The following TMC6 variants were observed in gnomAD, a reference collection of about 807,000 sequenced individuals.
TMC6 encodes the protein transmembrane channel like 6, also known as transmembrane channel-like protein 6.
In TMC6, 71 loss-of-function variants were observed where a neutral mutation model predicts 95.4. The observed-to-expected ratio is 0.74, with a 90% CI of 0.61 to 0.91. The LOEUF (loss-of-function observed/expected upper bound fraction) is 0.91. Among genes scored for constraint, TMC6 ranks in the 40% least tolerant of loss-of-function variants. The probability of loss-of-function intolerance (pLI) is 0.00; values close to 1 mark genes in which losing one functional copy is unlikely to be tolerated. For synonymous variants in TMC6, 514 were observed against 483.1 expected (o/e 1.06, Z -0.84); for missense variants, 1,074 against 1,079.1 (o/e 1.00, Z 0.07).
Position 78,113,613 on chromosome 17 carries a change from G to A in TMC6, c.2289C>T (p.Asp763=), listed in dbSNP as rs1382115495. ...LKEQISNEGE[D]KIFLINKLHS... is the part of the protein sequence containing the mutation. ...GAAGCTTGTTGATTAAGAAGATTTTGTCCTCACCCTCCTAGAAAGGCCAGA... is the reference window on the plus strand; with the variant it reads ...GAAGCTTGTTGATTAAGAAGATTTTATCCTCACCCTCCTAGAAAGGCCAGA... The change falls in exon 19 of 20, where the codon GAC becomes GAT. Residue 763 remains aspartate (D), a synonymous_variant. Coordinates refer to ENST00000590602, the MANE Select transcript of TMC6 (RefSeq NM_001127198.5). 1 of 1,613,648 alleles carries A rather than the reference G, an allele frequency of 6.2e-7. No homozygotes were observed. The highest frequency in any genetic ancestry group is 1.3e-5 in the African/African-American group (1 of 74,862).
At position 78,124,661 on chromosome 17, in the gene TMC6, G is replaced by A. The variant is rs1273041279; in HGVS notation, c.754C>T (p.Leu252Phe). Residue 252 changes from leucine to phenylalanine, a missense_variant, in exon 8 of 20, where the codon CTC becomes TTC. Leu to Phe is a conservative substitution (Grantham distance 22). Coordinates refer to ENST00000590602, the MANE Select transcript of TMC6 (RefSeq NM_001127198.5). ...GSSVLSYFLF[L>F]KTLLAFNALL... ...GCATTGAAAGCCAGCAGGGTCTTGAGAAAGAGGAAGTAGGAGAGCACGCTG... is the reference window on the plus strand; with the variant it reads ...GCATTGAAAGCCAGCAGGGTCTTGAAAAAGAGGAAGTAGGAGAGCACGCTG... The A allele has an allele frequency of 3.7e-6, 6 of 1,610,874 alleles. No individual in the cohort carries two copies. Among genetic ancestry groups the A allele is most frequent in the Non-Finnish European group, 2.5e-6 (3 of 1,179,066 alleles).
Position 78,126,325 on chromosome 17 carries a change from T to C in TMC6, c.223A>G (p.Ser75Gly). Residue 75 changes from serine to glycine, a missense_variant, in exon 4 of 20, where the codon AGC (serine) becomes GGC (glycine). Transcript: ENST00000590602. ...QTLWRPEGTQ[S>G]TATLRILASM... ...GCCAGGATGCGGAGTGTGGCCGTGCTCTGGGTGCCCTCGGGCCGCCAGAGT... is the reference window on the plus strand; with the variant it reads ...GCCAGGATGCGGAGTGTGGCCGTGCCCTGGGTGCCCTCGGGCCGCCAGAGT... 6.3e-7 allele frequency: 1 copy of C among 1,576,634 alleles called. No individual in the cohort carries two copies. The highest frequency in any genetic ancestry group is 8.6e-7 in the Non-Finnish European group (1 of 1,165,818).
At chr17:78,132,313 A>G, upstream of TMC6, 2 of 1,605,992 alleles carry the variant, frequency 1.2e-6, no homozygotes, top group Non-Finnish European at 8.5e-7. Context: ...GCGCGGCCCC[A>G]GCCCCGGCCC....
In TMC6 at chr17:78,112,546, G is replaced by GC. The variant is rs2073851303; in HGVS notation, c.*601dup. ...GGTGCTGGTTACCTATGCCTGGGAG[G>GC]CAACTGTCCCCACAACTCATTTGCA... is the stretch of plus-strand genomic sequence containing the variant. On this transcript the variant is annotated 3_prime_UTR_variant, in exon 20 of 20. Coordinates refer to ENST00000590602, the MANE Select transcript of TMC6 (RefSeq NM_001127198.5). 6.2e-6 allele frequency: 1 copy of GC among 162,360 alleles called. No homozygotes were observed. Among genetic ancestry groups the GC allele is most frequent in the South Asian group, 1.4e-4 (1 of 7,150 alleles). 10.1% of individuals were successfully genotyped at this position (162,360 alleles called of 1,614,324 possible).
Position 78,125,775 on chromosome 17 carries a change from G to T in TMC6, c.381C>A (p.Ser127Arg). The stretch of plus-strand genomic sequence containing the variant: ...CCAGCTCCAGGTCGTACAGGCGGAG[G>T]CTGGGCCAGGCGGAGCGGACAAAGT... The part of the protein sequence containing the change: ...LGNFVRSAWP[S>R]LRLYDLELDP... The change falls in exon 5 of 20, where the codon AGC becomes AGA. Residue 127 changes from serine to arginine, a missense_variant. Ser to Arg is a moderately radical substitution (Grantham distance 110). Coordinates refer to ENST00000590602, the MANE Select transcript of TMC6 (RefSeq NM_001127198.5). 1 of 1,565,486 alleles carries T rather than the reference G, an allele frequency of 6.4e-7. No homozygotes were observed.
chr17:78,120,523 G>T, intron 13 of TMC6, 130 bp downstream of exon 13: 2 of 1,377,530 alleles, frequency 1.5e-6, no homozygotes, highest in Non-Finnish European at 2.1e-6. Flanking sequence ...TCTATTTCCT[G>T]AGTCTTCCTC....
At chr17:78,116,657 G>A (rs1325415847) in intron 18 of TMC6, among the ~76,000 whole-genome samples, 1 of 152,130 alleles carries the variant, frequency 6.6e-6, no homozygotes, top group Non-Finnish European at 1.5e-5. Flanking sequence ...AGGCCAAGGT[G>A]GGTGGATTGC....
upstream of TMC6, among the ~76,000 whole-genome samples, chr17:78,129,599 G>A (rs747873280): frequency 3.5e-4 from 53 of 152,130 alleles, no homozygotes; most frequent in Non-Finnish European, 6.9e-4. This position sits in a 1 kb window ranked among gnomAD's most constrained non-coding sequence, Gnocchi z 4.3. Context: ...GGGCCCAGGA[G>A]GGCAGGAGAG....
Position 78,110,490 on chromosome 17 carries a change from CTT to C in TMC6, c.*2656_*2657del, listed in dbSNP as rs1567976213. On this transcript the variant is annotated 3_prime_UTR_variant, in exon 20 of 20. Coordinates refer to ENST00000590602, the MANE Select transcript of TMC6 (RefSeq NM_001127198.5). ...CTGAAAAAGCAAATAAACCGAAACT[CTT>C]GGGCTCAAGCAATCCTCCGCCTCAG... 2 of 152,178 alleles carry C rather than the reference CTT, an allele frequency of 1.3e-5. No individual in the cohort carries two copies. Among genetic ancestry groups the C allele is most frequent in the African/African-American group, 2.4e-5 (1 of 41,414 alleles). The allele number at this position is 152,178 out of a possible 1,614,324, so 9.4% of individuals were successfully genotyped here.
In TMC6 at chr17:78,110,892, A is replaced by T. The variant is rs540860440; in HGVS notation, c.*2256T>A. On this transcript the variant is annotated 3_prime_UTR_variant, in exon 20 of 20. Transcript: ENST00000590602. ...CCTCCAGCACGCAAGGGCTGCTCTG[A>T]AGAAATACGGGAGGTCCTCACTGGA... The T allele has an allele frequency of 1.6e-4, 25 of 152,374 alleles. No homozygotes were observed. The East Asian group carries it at 4.8e-3, about 29-fold the overall frequency. 9.4% of individuals were successfully genotyped at this position (152,374 alleles called of 1,614,324 possible).
chr17:78,118,501 A>G (rs576159383), intron 15 of TMC6, among the ~76,000 whole-genome samples: 23 of 152,218 alleles, frequency 1.5e-4, no homozygotes, highest in African/African-American at 5.3e-4. Flanking sequence ...GCTTGCAGTG[A>G]GCCGAGATTG....
upstream of TMC6, chr17:78,132,383 C>G: frequency 1.2e-6 from 2 of 1,613,120 alleles, no homozygotes; most frequent in Non-Finnish European, 1.7e-6. Context: ...GGAATTCGGT[C>G]CTACTTCACC....
chr17:78,124,058 T>C lies in TMC6; in HGVS notation c.1013A>G (p.Asn338Ser), dbSNP rs760333391. The C allele has an allele frequency of 5.0e-6, 8 of 1,613,534 alleles. No individual in the cohort carries two copies. The South Asian group carries it at 6.6e-5, about 13-fold the overall frequency. The change falls in exon 9 of 20, where the codon AAC becomes AGC. Residue 338 changes from asparagine (N) to serine (S), a missense_variant. Coordinates refer to ENST00000590602, the MANE Select transcript of TMC6 (RefSeq NM_001127198.5). ...CTPRVGGLPYNMPLAYLSTVG... is the reference protein window; with the variant it reads ...CTPRVGGLPYSMPLAYLSTVG... ...AGTGGAGAGGTAGGCCAGGGGCATG[T>C]TGTAGGGCAGGCCACCCACCCTGGG...
intron 17 of TMC6, 29 bp downstream of exon 17, chr17:78,117,439 C>T (rs1303770860): frequency 1.9e-6 from 3 of 1,610,230 alleles, no homozygotes; most frequent in South Asian, 2.2e-5. Context: ...GGCCATCTCC[C>T]CAGGGCCGCC....
At chr17:78,117,125 G>A (rs768175523) in intron 18 of TMC6, 144 bp downstream of exon 18, 77 of 819,142 alleles carry the variant, frequency 9.4e-5, no homozygotes, top group Admixed American at 1.8e-4. Flanking sequence ...TGAAGTGCAC[G>A]TATTGATCAG....
intron 18 of TMC6, 177 bp from the exon 19 acceptor site, chr17:78,113,801 C>T (rs1323485345): frequency 1.5e-6 from 1 of 684,372 alleles, no homozygotes; most frequent in Non-Finnish European, 2.6e-6. Flanking sequence ...AAACCAAGAG[C>T]CAGGAAGTGG....
In TMC6 at chr17:78,117,336, T is replaced by C; in HGVS notation, c.2210A>G (p.Tyr737Cys). ...GCCCCGCACCACCTGGATGTTGAGG[T>C]AGATCACGGCCCTGCGGGAGAGGGG... Reference protein sequence around the residue: ...LVSALLLAVIYLNIQVVRGQR... With the variant: ...LVSALLLAVICLNIQVVRGQR... The change falls in exon 18 of 20, where the codon TAC becomes TGC. Residue 737 changes from tyrosine (Y) to cysteine (C), a missense_variant. By Grantham distance (194) the Tyr-to-Cys change is radical. Transcript: ENST00000590602. 6.2e-7 allele frequency: 1 copy of C among 1,612,866 alleles called. No individual in the cohort carries two copies. Among genetic ancestry groups the C allele is most frequent in the Non-Finnish European group, 8.5e-7 (1 of 1,179,826 alleles).
upstream of TMC6, chr17:78,131,960 C>T: frequency 6.6e-7 from 1 of 1,519,042 alleles, no homozygotes; most frequent in Non-Finnish European, 8.8e-7. Context: ...TGGAAAGGCG[C>T]CTGCGGGAGG....
At chr17:78,119,447 G>A in intron 13 of TMC6, 55 bp from the exon 14 acceptor site, 1 of 1,584,298 alleles carries the variant, frequency 6.3e-7, no homozygotes, top group Non-Finnish European at 8.7e-7. Context: ...AGGGAGGCCA[G>A]CCTGAGTCCC....
Sources: gnomAD v4.1 joint callset for allele counts (sites outside exome capture counted in the v4.1 genomes callset) on GRCh38, gnomAD v4.1.1 for gene constraint, Gnocchi (gnomAD v3.1) non-coding constraint, MANE v1.5 for transcripts, NCBI Gene and HGNC (gene_info 2026-07-23, HGNC 2026-07-21) for gene names.